CRACD: variants seen among roughly 807,000 people sequenced by gnomAD.
CRACD encodes capping protein inhibiting regulator of actin dynamics, also known as capping protein-inhibiting regulator of actin dynamics.
In CRACD, 56 loss-of-function variants were observed where a neutral mutation model predicts 106.8. That is an observed-to-expected ratio of 0.52 (90% CI 0.42 to 0.66). The LOEUF (loss-of-function observed/expected upper bound fraction) is 0.66. Among genes scored for constraint, CRACD ranks in the 30% least tolerant of loss-of-function variants. CRACD has a pLI of 0.00. For missense variants in CRACD, 1,730 were observed against 1,623.2 expected, an observed-to-expected ratio of 1.07 and a Z score of -1.13; for synonymous variants, 754 against 670.8, an observed-to-expected ratio of 1.12 and a Z score of -1.92.
intron 1 of CRACD, among the ~76,000 whole-genome samples, chr4:56,161,641 G>A (rs1210153465): frequency 6.6e-6 from 1 of 152,014 alleles, no homozygotes; most frequent in Non-Finnish European, 1.5e-5. Flanking sequence ...TATGTTTTTA[G>A]TGAAGATAGA....
chr4:56,165,985 A>G (rs576117173), intron 1 of CRACD, among the ~76,000 whole-genome samples: 3 of 152,216 alleles, frequency 2.0e-5, no homozygotes, highest in South Asian at 2.1e-4. Context: ...CTCAACCTCC[A>G]GAGTAGATAG....
intron 2 of CRACD, among the ~76,000 whole-genome samples, chr4:56,271,234 C>A (rs1742333393): frequency 6.6e-6 from 1 of 151,934 alleles, no homozygotes; most frequent in South Asian, 2.1e-4. Flanking sequence ...CTTACACTTT[C>A]TTTTCCAAGG....
At chr4:56,187,974 T>G (rs1577722919) in intron 2 of CRACD, among the ~76,000 whole-genome samples, 2 of 152,146 alleles carry the variant, frequency 1.3e-5, no homozygotes, top group East Asian at 3.9e-4. Flanking sequence ...CTTCTTGAAA[T>G]AAATGACTAA....
At chr4:56,200,122 A>G (rs1179798135) in intron 2 of CRACD, among the ~76,000 whole-genome samples, 7 of 150,992 alleles carry the variant, frequency 4.6e-5, no homozygotes, top group Non-Finnish European at 8.8e-5. Flanking sequence ...TAGATGCAGT[A>G]TTTGTTGTAA....
At chr4:56,261,682 C>A (rs6554340) in intron 2 of CRACD, among the ~76,000 whole-genome samples, 70,505 of 151,866 alleles carry the variant, frequency 0.46, 16,597 homozygotes, top group East Asian at 0.63. Context: ...TATTTTATTT[C>A]TCCTGTGAAC....
intron 2 of CRACD, among the ~76,000 whole-genome samples, chr4:56,184,717 G>A (rs1362249944): frequency 6.6e-6 from 1 of 152,238 alleles, no homozygotes; most frequent in East Asian, 1.9e-4. Context: ...GTAAGTACTC[G>A]GCTTTTCACA....
At position 56,324,091 on chromosome 4, in the gene CRACD, T is replaced by C. The variant is rs1746278905; in HGVS notation, c.3379-13T>C. Reference sequence around the variant, plus strand: ...TGAAAACATGTTTCCCATGACTGTCTCTGCCCACGCAGGTCAGTGTCAGCG... The same window carrying C: ...TGAAAACATGTTTCCCATGACTGTCCCTGCCCACGCAGGTCAGTGTCAGCG... On this transcript the variant is annotated splice_polypyrimidine_tract_variant and intron_variant, in intron 9 of 10. Transcript: ENST00000682029. 1 of 1,597,716 alleles carries C rather than the reference T, an allele frequency of 6.3e-7. No individual in the cohort carries two copies. The highest frequency in any genetic ancestry group is 1.3e-5 in the African/African-American group (1 of 74,752).
Position 56,323,505 on chromosome 4 carries a change from A to G in CRACD, c.3316A>G (p.Thr1106Ala). The G allele has an allele frequency of 2.5e-6, 4 of 1,607,792 alleles. No homozygotes were observed. Among genetic ancestry groups the G allele is most frequent in the Non-Finnish European group, 3.4e-6 (4 of 1,178,380 alleles). The part of the protein sequence containing the change: ...KQKGFREQQA[T>A]REERKQAREA... ...AAAGGGGTTTCGGGAGCAGCAGGCG[A>G]CGCGGGAGGAGAGAAAGCAAGCCAG... is the stretch of plus-strand genomic sequence containing the variant. The change falls in exon 9 of 11, where the codon ACG becomes GCG. Residue 1106 changes from threonine (T) to alanine (A), a missense_variant. Thr to Ala is a moderately conservative substitution (Grantham distance 58). Transcript: ENST00000682029.
intron 1 of CRACD, among the ~76,000 whole-genome samples, chr4:56,173,738 A>G (rs933260852): frequency 4.6e-5 from 7 of 152,358 alleles, no homozygotes; most frequent in African/African-American, 1.7e-4. Context: ...ATATATGCCC[A>G]GAAGTGGAAT....
rs1316312196 is a variant in CRACD, at chr4:56,277,596, G to A, written c.-17+5104G>A. Among the ~76,000 whole-genome samples, 5 of 152,210 alleles carry A rather than the reference G, an allele frequency of 3.3e-5. No homozygotes were observed. In the South Asian group the frequency reaches 8.3e-4, roughly 25 times the overall value. On this transcript the variant is annotated intron_variant, in intron 3 of 10. Transcript: ENST00000682029. ...CCTTAAGATCAGGAACAAAACAAGG[G>A]TTTCTTATCTCATTCCTTCTATTCA...
At chr4:56,129,709 A>G (rs887622284) in intron 1 of CRACD, among the ~76,000 whole-genome samples, 7 of 152,218 alleles carry the variant, frequency 4.6e-5, no homozygotes, top group African/African-American at 1.7e-4. Flanking sequence ...AGGGATACAA[A>G]GATGGATAAG....
chr4:56,271,902 C>T (rs905895700), intron 2 of CRACD, among the ~76,000 whole-genome samples: 1 of 152,112 alleles, frequency 6.6e-6, no homozygotes, highest in African/African-American at 2.4e-5. Flanking sequence ...GCACCACCAA[C>T]CCGACTAATT....
intron 1 of CRACD, among the ~76,000 whole-genome samples, chr4:56,101,720 G>A (rs1456532874): frequency 3.5e-5 from 5 of 142,438 alleles, no homozygotes; most frequent in East Asian, 2.0e-4. Flanking sequence ...CTGAGATTGC[G>A]CCACTGCACT....
At chr4:56,199,511 A>G (rs1054948603) in intron 2 of CRACD, among the ~76,000 whole-genome samples, 8 of 151,972 alleles carry the variant, frequency 5.3e-5, no homozygotes, top group Middle Eastern at 6.8e-3. Context: ...GTGAAACCCC[A>G]TCTCTACTAA....
intron 2 of CRACD, among the ~76,000 whole-genome samples, chr4:56,216,694 T>C (rs573550436): frequency 1.3e-5 from 2 of 152,232 alleles, no homozygotes; most frequent in African/African-American, 2.4e-5. Context: ...AAGTAGAAAA[T>C]GTCAGGCCGG....
chr4:56,092,203 G>A (rs1733444536), intron 1 of CRACD, among the ~76,000 whole-genome samples: 1 of 152,186 alleles, frequency 6.6e-6, no homozygotes, highest in Admixed American at 6.5e-5. Flanking sequence ...CATCACTGAG[G>A]AGGAAACTTT....
intron 6 of CRACD, among the ~76,000 whole-genome samples, chr4:56,312,212 G>A (rs1481874956): frequency 6.6e-6 from 1 of 152,158 alleles, no homozygotes; most frequent in Non-Finnish European, 1.5e-5. Flanking sequence ...CTAGGCTAGA[G>A]TGCAGCCTAG....
chr4:56,299,001 T>C (rs1744210729), intron 4 of CRACD, among the ~76,000 whole-genome samples: 1 of 152,204 alleles, frequency 6.6e-6, no homozygotes, highest in African/African-American at 2.4e-5. Flanking sequence ...CCGTTAAGCA[T>C]TGCCCATAAT....
chr4:56,306,153 G>A (rs980852555), intron 4 of CRACD, among the ~76,000 whole-genome samples: 13 of 152,124 alleles, frequency 8.5e-5, no homozygotes, highest in African/African-American at 3.1e-4. Context: ...GTAGGTGATT[G>A]CTATGGCTTT....
Sources: gnomAD v4.1 joint callset for allele counts (sites outside exome capture counted in the v4.1 genomes callset) on GRCh38, gnomAD v4.1.1 for gene constraint, MANE v1.5 for transcripts, NCBI Gene and HGNC (gene_info 2026-07-23, HGNC 2026-07-21) for gene names.